TRABD2A: variants seen among roughly 807,000 people sequenced by gnomAD.
The protein encoded by TRABD2A is TraB domain containing 2A, also known as metalloprotease TIKI1.
Under a neutral mutation model 45.6 loss-of-function variants are expected in TRABD2A, and 43 were observed. That is an observed-to-expected ratio of 0.94 (90% CI 0.74 to 1.22). TRABD2A has a LOEUF of 1.22. Among genes scored for constraint, TRABD2A ranks in the 50% most tolerant of loss-of-function variants. The pLI is 0.00. For missense variants in TRABD2A, 642 were observed against 652.4 expected (o/e 0.98, Z 0.17); for synonymous variants, 269 against 265.0 (o/e 1.02, Z -0.15).
At chr2:84,842,141 A>G in intron 2 of TRABD2A, 134 bp from the exon 3 acceptor site, 1 of 936,752 alleles carries the variant, frequency 1.1e-6, no homozygotes, top group South Asian at 2.2e-5. Context: ...TACTTAAAAA[A>G]GGGAACACAA....
Position 84,870,384 on chromosome 2 carries a change from G to A in TRABD2A, c.510C>T (p.Leu170=). ...WERKRPVWVM[L]MVNSLTEVDI... Reference sequence around the variant, plus strand: ...CCACTTCAGTCAGGGAGTTGACCATGAGCATCACCCAGACAGGCCTCTTGC... The same window carrying A: ...CCACTTCAGTCAGGGAGTTGACCATAAGCATCACCCAGACAGGCCTCTTGC... Residue 170 remains leucine (L), a synonymous_variant, in exon 2 of 7, where the codon CTC becomes CTT. Coordinates refer to ENST00000409520, the MANE Select transcript of TRABD2A (RefSeq NM_001277053.2). The A allele has an allele frequency of 1.2e-6, 2 of 1,614,030 alleles. No homozygotes were observed. Among genetic ancestry groups the A allele is most frequent in the Non-Finnish European group, 1.7e-6 (2 of 1,179,898 alleles).
Position 84,821,980 on chromosome 2 carries a change from A to C in TRABD2A, c.1455T>G (p.Ser485=), listed in dbSNP as rs1681013815. 1 of 1,604,396 alleles carries C rather than the reference A, an allele frequency of 6.2e-7. No individual in the cohort carries two copies. The highest frequency in any genetic ancestry group is 8.5e-7 in the Non-Finnish European group (1 of 1,175,708). ...SQMVASSACL[S]LWTPVFWVLV... is the part of the protein sequence containing the mutation. ...GCACCCAGAACACAGGAGTCCAGAG[A>C]GACAGGCAGGCACTGCTGGCCACCA... Residue 485 remains serine, a synonymous_variant, in exon 7 of 7, where the codon TCT becomes TCG. Transcript: ENST00000409520.
intron 2 of TRABD2A, among the ~76,000 whole-genome samples, chr2:84,843,160 C>A (rs1681768978): frequency 6.6e-6 from 1 of 151,934 alleles, no homozygotes; most frequent in Non-Finnish European, 1.5e-5. Flanking sequence ...ACAGATGCAG[C>A]TCTATAGCCT....
intron 6 of TRABD2A, among the ~76,000 whole-genome samples, chr2:84,822,966 G>A (rs1681041404): frequency 6.6e-6 from 1 of 152,058 alleles, no homozygotes; most frequent in South Asian, 2.1e-4. Flanking sequence ...CTCCAACCAG[G>A]CTTTCACATT....
chr2:84,850,333 T>C (rs950507727), intron 2 of TRABD2A, among the ~76,000 whole-genome samples: 2 of 152,094 alleles, frequency 1.3e-5, no homozygotes, highest in Non-Finnish European at 2.9e-5. Flanking sequence ...ATCATCACAA[T>C]AATAATAATA....
intron 2 of TRABD2A, among the ~76,000 whole-genome samples, chr2:84,867,206 A>G (rs1384165646): frequency 6.6e-6 from 1 of 152,192 alleles, no homozygotes; most frequent in Non-Finnish European, 1.5e-5. Flanking sequence ...AAACAACTCT[A>G]CCTTGCTAGC....
chr2:84,877,261 A>G (rs1683056249), intron 1 of TRABD2A, among the ~76,000 whole-genome samples: 1 of 151,466 alleles, frequency 6.6e-6, no homozygotes, highest in South Asian at 2.1e-4. Context: ...CCTCTCTCAT[A>G]CTGATATCCT....
intron 2 of TRABD2A, among the ~76,000 whole-genome samples, chr2:84,853,870 A>T (rs1283305819): frequency 6.6e-6 from 1 of 152,168 alleles, no homozygotes; most frequent in Non-Finnish European, 1.5e-5. Flanking sequence ...AAATACAAAA[A>T]TTAGCTAGGC....
chr2:84,873,114 CAAAAAAAA>C (rs34974821), intron 1 of TRABD2A, among the ~76,000 whole-genome samples: 10 of 70,694 alleles, frequency 1.4e-4, no homozygotes, highest in Non-Finnish European at 2.2e-4. Context: ...GACTTCATCT[CAAAAAAAA>C]AAAAAAAAAA....
Position 84,880,983 on chromosome 2 carries a change from T to C in TRABD2A, c.57A>G (p.Ala19=). Residue 19 remains alanine, a synonymous_variant, in exon 1 of 7, where the codon GCA becomes GCG. Transcript: ENST00000409520. ...LQTLCLLPTG[A]ASRRGAPGTA... ...TGCCGGGCGCCCCGCGCCGCGAAGC[T>C]GCGCCCGTGGGCAGGAGGCAGAGGG... The C allele has an allele frequency of 6.2e-7, 1 of 1,604,928 alleles. No homozygotes were observed. The highest frequency in any genetic ancestry group is 1.3e-5 in the African/African-American group (1 of 74,938).
At chr2:84,845,282 G>A (rs1681846578) in intron 2 of TRABD2A, among the ~76,000 whole-genome samples, 1 of 152,230 alleles carries the variant, frequency 6.6e-6, no homozygotes, top group South Asian at 2.1e-4. Flanking sequence ...AACCTGGGAG[G>A]CAGAGGTTGC....
chr2:84,863,606 T>C (rs1476184263), intron 2 of TRABD2A, among the ~76,000 whole-genome samples: 1 of 119,128 alleles, frequency 8.4e-6, no homozygotes, highest in Non-Finnish European at 1.6e-5. Context: ...TCTTTTTTTT[T>C]TTTTTTTTTT....
intron 4 of TRABD2A, chr2:84,838,076 A>C: frequency 1.0e-5 from 6 of 586,976 alleles, no homozygotes; most frequent in Non-Finnish European, 1.2e-5. Context: ...AAGCTTGGGA[A>C]TGGAAATTTC....
At chr2:84,851,837 C>T (rs958477112) in intron 2 of TRABD2A, among the ~76,000 whole-genome samples, 3 of 152,198 alleles carry the variant, frequency 2.0e-5, no homozygotes, top group Non-Finnish European at 4.4e-5. Context: ...TTGAATTGAC[C>T]ATAAATGGGA....
At chr2:84,848,411 CAGAT>C (rs371387071) in intron 2 of TRABD2A, among the ~76,000 whole-genome samples, 4,479 of 144,884 alleles carry the variant, frequency 0.031, 212 homozygotes, top group African/African-American at 0.097. Context: ...GACAGACAGA[CAGAT>C]AGATAGTCTC....
intron 2 of TRABD2A, among the ~76,000 whole-genome samples, chr2:84,848,512 T>C (rs1449571143): frequency 6.8e-6 from 1 of 148,082 alleles, no homozygotes; most frequent in African/African-American, 2.5e-5. Flanking sequence ...ACTGAAAATA[T>C]ATTTTATATA....
At chr2:84,840,915 A>G (rs751096123) in intron 3 of TRABD2A, among the ~76,000 whole-genome samples, 15 of 152,032 alleles carry the variant, frequency 9.9e-5, no homozygotes, top group Non-Finnish European at 2.1e-4. Context: ...CTGATGCTGC[A>G]CTCAGCCTGT....
chr2:84,869,602 T>C (rs1433751303), intron 2 of TRABD2A, among the ~76,000 whole-genome samples: 1 of 152,184 alleles, frequency 6.6e-6, no homozygotes, highest in Non-Finnish European at 1.5e-5. Context: ...CCATGCCCTG[T>C]GACAACCAGT....
intron 1 of TRABD2A, among the ~76,000 whole-genome samples, chr2:84,871,928 A>C (rs1682882467): frequency 6.6e-6 from 1 of 152,170 alleles, no homozygotes; most frequent in African/African-American, 2.4e-5. Context: ...CAAAGCCTTC[A>C]GTTTCAATCA....
Sources: allele counts gnomAD v4.1 joint callset (sites outside exome capture counted in the v4.1 genomes callset), GRCh38; gene constraint gnomAD v4.1.1; transcripts MANE v1.5; gene names NCBI Gene and HGNC (gene_info 2026-07-23, HGNC 2026-07-21).